The following SORT1 variants were observed in gnomAD, a reference collection of about 807,000 sequenced individuals.
SORT1 encodes sortilin.
SORT1 carries 39 observed loss-of-function variants against 101.7 expected under a neutral mutation model. That is an observed-to-expected ratio of 0.38 (90% CI 0.30 to 0.50). The LOEUF (loss-of-function observed/expected upper bound fraction) is 0.50. Ranked by LOEUF, SORT1 falls within the 20% of genes least tolerant of loss-of-function variation. The pLI, the probability that SORT1 is intolerant of heterozygous loss-of-function variation, is 0.90. For missense variants in SORT1, 878 were observed against 1,040.4 expected (o/e 0.84, Z 2.15); for synonymous variants, 396 against 393.7 (o/e 1.01, Z -0.07).
rs1433509845 is a variant in SORT1, at chr1:109,313,577, C to G, written c.*466G>C. The G allele has an allele frequency of 5.9e-6, 1 of 168,794 alleles. No individual in the cohort carries two copies. The highest frequency in any genetic ancestry group is 2.4e-5 in the African/African-American group (1 of 41,558). The allele number at this position is 168,794 out of a possible 1,614,324, so 10.5% of individuals were successfully genotyped here. ...GGCCAGGCTGTGCCAGCCTCTGCAG[C>G]CTGTTTTCATCTCTACAGCTGTTTC... On this transcript the variant is annotated 3_prime_UTR_variant, in exon 20 of 20. Transcript: ENST00000256637.
intron 17 of SORT1, among the ~76,000 whole-genome samples, chr1:109,315,597 C>T (rs1658982848): frequency 6.6e-6 from 1 of 152,128 alleles, no homozygotes; most frequent in Admixed American, 6.5e-5. Flanking sequence ...CCAGCTTGAC[C>T]TCTCCTATTA....
intron 1 of SORT1, among the ~76,000 whole-genome samples, chr1:109,382,599 CT>C (rs1462129224): frequency 6.6e-6 from 1 of 152,172 alleles, no homozygotes; most frequent in African/African-American, 2.4e-5. Context: ...ACTAAACTTC[CT>C]TTTCAGAGTC....
At chr1:109,318,398 C>T (rs1277451412) in intron 15 of SORT1, among the ~76,000 whole-genome samples, 1 of 152,186 alleles carries the variant, frequency 6.6e-6, no homozygotes, top group Non-Finnish European at 1.5e-5. Context: ...GATACGCCCA[C>T]CTCGGCCTCC....
chr1:109,365,795 G>T (rs976291653), intron 3 of SORT1, among the ~76,000 whole-genome samples: 1 of 152,136 alleles, frequency 6.6e-6, no homozygotes, highest in African/African-American at 2.4e-5. Flanking sequence ...TGGCCTAAAG[G>T]TATTTGCTGC....
intron 11 of SORT1, among the ~76,000 whole-genome samples, chr1:109,335,950 C>A (rs1648794612): frequency 6.6e-6 from 1 of 152,258 alleles, no homozygotes; most frequent in Non-Finnish European, 1.5e-5. Flanking sequence ...TGACCCCTAA[C>A]TAATCACCAG....
chr1:109,394,772 C>G (rs530702569), intron 1 of SORT1, among the ~76,000 whole-genome samples: 9 of 152,132 alleles, frequency 5.9e-5, no homozygotes, highest in Non-Finnish European at 1.2e-4. Context: ...ATTAATGTGG[C>G]TTGAAATGAA....
chr1:109,325,573 G>A (rs1169968381), intron 13 of SORT1, among the ~76,000 whole-genome samples: 1 of 152,046 alleles, frequency 6.6e-6, no homozygotes, highest in African/African-American at 2.4e-5. Context: ...GTAGTTAACA[G>A]GATAAGGAAG....
At chr1:109,395,710 C>T (rs1202059981) in intron 1 of SORT1, among the ~76,000 whole-genome samples, 1 of 152,106 alleles carries the variant, frequency 6.6e-6, no homozygotes, top group Non-Finnish European at 1.5e-5. Context: ...GTTTTTTCAA[C>T]CTCTTTCTTT....
At chr1:109,370,434 G>A (rs952369795) in intron 1 of SORT1, among the ~76,000 whole-genome samples, 2 of 151,966 alleles carry the variant, frequency 1.3e-5, no homozygotes, top group Admixed American at 1.3e-4. Flanking sequence ...ACAATCGTCT[G>A]TTCTCTATAA....
intron 15 of SORT1, among the ~76,000 whole-genome samples, chr1:109,319,574 A>G (rs1410591266): frequency 1.3e-5 from 2 of 152,174 alleles, no homozygotes; most frequent in African/African-American, 4.8e-5. Context: ...AACTTTGAAA[A>G]TAAGTGTCTG....
chr1:109,355,481 A>G lies in SORT1; in HGVS notation c.441-12T>C. 1 of 1,317,064 alleles carries G rather than the reference A, an allele frequency of 7.6e-7. No homozygotes were observed. Among genetic ancestry groups the G allele is most frequent in the Non-Finnish European group, 1.1e-6 (1 of 910,124 alleles). 81.6% of individuals were successfully genotyped at this position (1,317,064 alleles called of 1,614,324 possible). A position where few individuals can be genotyped will look rare whatever the true frequency, so the allele number is the denominator to read the frequency against. ...TCCCATAATCCTCACTGAGAGGAAG[A>G]AAAAAAGGGCAAATTTAGGGTGCAG... On this transcript the variant is annotated splice_polypyrimidine_tract_variant and intron_variant, in intron 3 of 19. Coordinates refer to ENST00000256637, the MANE Select transcript of SORT1 (RefSeq NM_002959.7).
intron 1 of SORT1, among the ~76,000 whole-genome samples, chr1:109,372,715 G>T (rs761877139): frequency 2.6e-5 from 4 of 151,832 alleles, no homozygotes; most frequent in Admixed American, 2.6e-4. Context: ...TCAGGAGTTC[G>T]ACTGAAACCC....
rs751947612 is a variant in SORT1, at chr1:109,314,228, G to GA, written c.2481+32_2481+33insT. ...TATTTTCTTGTATTTTTTGGGGGGG[G>GA]GGGTACTACCATTCAAGAAGAAATA... is the stretch of plus-strand genomic sequence containing the variant. On this transcript the variant is annotated intron_variant, in intron 19 of 19. Coordinates refer to ENST00000256637, the MANE Select transcript of SORT1 (RefSeq NM_002959.7). 8 of 1,427,594 alleles carry GA rather than the reference G, an allele frequency of 5.6e-6. No homozygotes were observed. In the Admixed American group the frequency reaches 7.0e-5, roughly 12 times the overall value. The allele number at this position is 1,427,594 out of a possible 1,614,324, so 88.4% of individuals were successfully genotyped here.
intron 15 of SORT1, among the ~76,000 whole-genome samples, 177 bp downstream of exon 15, chr1:109,322,755 G>T (rs1013367543): frequency 6.6e-6 from 1 of 152,100 alleles, no homozygotes; most frequent in African/African-American, 2.4e-5. Flanking sequence ...GACCAGGCTG[G>T]TCTCGAACTC....
intron 13 of SORT1, among the ~76,000 whole-genome samples, chr1:109,326,165 G>C (rs1009170618): frequency 6.8e-6 from 1 of 147,148 alleles, no homozygotes; most frequent in Non-Finnish European, 1.5e-5. Context: ...CTCCCACCTC[G>C]GCCTCCCAAG....
intron 17 of SORT1, among the ~76,000 whole-genome samples, chr1:109,315,876 G>T (rs1647197622): frequency 1.3e-5 from 2 of 149,630 alleles, no homozygotes; most frequent in African/African-American, 4.9e-5. Context: ...TCTCCCTTCA[G>T]CCTCCTGAGT....
chr1:109,351,049 T>C (rs1271263217), intron 5 of SORT1, 47 bp from the exon 6 acceptor site: 1 of 1,212,700 alleles, frequency 8.2e-7, no homozygotes, highest in Admixed American at 1.7e-5. Flanking sequence ...TTATCCTGTG[T>C]AGTTGCTTGT....
At chr1:109,369,454 T>A (rs545514605) in intron 2 of SORT1, 76 bp downstream of exon 2, 1 of 886,140 alleles carries the variant, frequency 1.1e-6, no homozygotes, top group Admixed American at 1.7e-5. Context: ...GAAATGATAT[T>A]AGGTGCTTAA....
chr1:109,365,242 G>A (rs1160205681), intron 3 of SORT1, among the ~76,000 whole-genome samples: 1 of 152,148 alleles, frequency 6.6e-6, no homozygotes, highest in Non-Finnish European at 1.5e-5. Context: ...TTATGTTTTT[G>A]AGAAAGGGTA....
Sources: gnomAD v4.1 joint callset for allele counts (sites outside exome capture counted in the v4.1 genomes callset) on GRCh38, gnomAD v4.1.1 for gene constraint, MANE v1.5 for transcripts, NCBI Gene and HGNC (gene_info 2026-07-23, HGNC 2026-07-21) for gene names.